FBXO46: variants seen among roughly 807,000 people sequenced by gnomAD.
FBXO46 encodes F-box protein 46.
In FBXO46, 13 loss-of-function variants were observed where a neutral mutation model predicts 30.7. That is an observed-to-expected ratio of 0.42 (90% CI 0.28 to 0.67). FBXO46 has a LOEUF of 0.67. Ranked by LOEUF, FBXO46 falls within the 30% of genes least tolerant of loss-of-function variation. The pLI is 0.21. For synonymous variants in FBXO46, 467 were observed against 385.8 expected (o/e 1.21, Z -2.47); for missense variants, 754 against 871.5 (o/e 0.87, Z 1.70).
intron 1 of FBXO46, among the ~76,000 whole-genome samples, chr19:45,725,281 G>T (rs1478560698): frequency 6.6e-6 from 1 of 152,022 alleles, no homozygotes; most frequent in African/African-American, 2.4e-5. Flanking sequence ...CAGGTGTGGT[G>T]GCATGCCCCT....
In FBXO46 at chr19:45,710,739, A is replaced by C. The variant is rs1422011987; in HGVS notation, c.*945T>G. 1 of 152,462 alleles carries C rather than the reference A, an allele frequency of 6.6e-6. No homozygotes were observed. Among genetic ancestry groups the C allele is most frequent in the African/African-American group, 2.4e-5 (1 of 41,446 alleles). The allele number at this position is 152,462 out of a possible 1,614,324, so 9.4% of individuals were successfully genotyped here. A position where few individuals can be genotyped will look rare whatever the true frequency, so the allele number is the denominator to read the frequency against. Reference sequence around the variant, plus strand: ...AAAAAAAAGAAAACAAAAAACAGAGAGAACAAACAAAAATACCCCAGACCA... The same window carrying C: ...AAAAAAAAGAAAACAAAAAACAGAGCGAACAAACAAAAATACCCCAGACCA... On this transcript the variant is annotated 3_prime_UTR_variant, in exon 2 of 2. Transcript: ENST00000317683.
chr19:45,719,720 A>G (rs1968145225), intron 1 of FBXO46, among the ~76,000 whole-genome samples: 1 of 152,188 alleles, frequency 6.6e-6, no homozygotes, highest in Non-Finnish European at 1.5e-5. Flanking sequence ...CATGCTGGCC[A>G]TTGTTGGGCG....
Position 45,713,233 on chromosome 19 carries a change from G to A in FBXO46, c.263C>T (p.Thr88Met), listed in dbSNP as rs768587871. Residue 88 changes from threonine (T) to methionine (M), a missense_variant, in exon 2 of 2, where the codon ACG (threonine) becomes ATG (methionine). Physicochemically the swap from Thr to Met is moderately conservative, Grantham distance 81 (BLOSUM62 -1). Coordinates refer to ENST00000317683, the MANE Select transcript of FBXO46 (RefSeq NM_001080469.2). This position sits in a 1 kb window ranked among gnomAD's most constrained non-coding sequence, Gnocchi z 4.7. ...AGDEGRVLLDTWYVIKPGNTK... is the reference protein window; with the variant it reads ...AGDEGRVLLDMWYVIKPGNTK... ...ATTCCCGGGCTTGATGACATACCACGTGTCCAGGAGGACTCGACCCTCATC... is the reference window on the plus strand; with the variant it reads ...ATTCCCGGGCTTGATGACATACCACATGTCCAGGAGGACTCGACCCTCATC... 2 of 1,613,920 alleles carry A rather than the reference G, an allele frequency of 1.2e-6. No homozygotes were observed. The highest frequency in any genetic ancestry group is 1.7e-6 in the Non-Finnish European group (2 of 1,179,862).
At chr19:45,732,148 A>C (rs1021608389), upstream of FBXO46, among the ~76,000 whole-genome samples, 3 of 151,748 alleles carry the variant, frequency 2.0e-5, no homozygotes, top group Admixed American at 2.0e-4. Context: ...AAGAAGAAGA[A>C]GCTCCAGGAG....
Position 45,712,062 on chromosome 19 carries a change from C to G in FBXO46, c.1434G>C (p.Glu478Asp), listed in dbSNP as rs767670856. The part of the protein sequence containing the change: ...EPRQYMLLLP[E>D]HVLVKIFSFL... ...AGCTGAAGATCTTGACCAGCACGTG[C>G]TCGGGCAGCAGCAGCATGTACTGTC... Residue 478 changes from glutamate to aspartate, a missense_variant, in exon 2 of 2, where the codon GAG becomes GAC. Glu to Asp is a conservative substitution (Grantham distance 45). This residue lies in a region of FBXO46 where 162 missense variants were observed against 258.7 expected (regional missense o/e 0.63). Transcript: ENST00000317683. The surrounding 1 kb of genome is among the most constrained non-coding windows in gnomAD (Gnocchi z 8.8). 4 of 1,610,888 alleles carry G rather than the reference C, an allele frequency of 2.5e-6. No individual in the cohort carries two copies. The South Asian group carries it at 4.4e-5, about 18-fold the overall frequency.
intron 1 of FBXO46, chr19:45,715,825 A>G (rs1298590507): frequency 2.0e-5 from 3 of 149,474 alleles, no homozygotes; most frequent in African/African-American, 7.4e-5. Context: ...AAAAAAAAAA[A>G]AGAAAGAAAA....
intron 1 of FBXO46, among the ~76,000 whole-genome samples, chr19:45,726,382 T>C (rs1203789295): frequency 2.6e-5 from 4 of 152,094 alleles, no homozygotes; most frequent in African/African-American, 9.6e-5. Flanking sequence ...GCACGGTGGC[T>C]CACACCTGTA....
chr19:45,723,818 C>G (rs913106403), intron 1 of FBXO46, among the ~76,000 whole-genome samples: 4 of 152,074 alleles, frequency 2.6e-5, no homozygotes, highest in African/African-American at 9.7e-5. Context: ...CGCCACCACG[C>G]CCAGCTAATT....
At chr19:45,728,970 A>G (rs1432312609) in intron 1 of FBXO46, among the ~76,000 whole-genome samples, 1 of 150,146 alleles carries the variant, frequency 6.7e-6, no homozygotes, top group East Asian at 2.0e-4. Context: ...AATTAACCAG[A>G]CGTGGTGGCG....
rs779860162 is a variant in FBXO46 at position 45,712,200 on chromosome 19, G to A, written c.1296C>T (p.Pro432=). Residue 432 remains proline (P), a synonymous_variant, in exon 2 of 2, where the codon CCC becomes CCT. Coordinates refer to ENST00000317683, the MANE Select transcript of FBXO46 (RefSeq NM_001080469.2). The surrounding 1 kb of genome is among the most constrained non-coding windows in gnomAD (Gnocchi z 8.8). ...CCGTGCCCTCGGCATCGTCTGGGCCGGGCGCAGTGGCCGGGGAGTCGGCCG... is the reference window on the plus strand; with the variant it reads ...CCGTGCCCTCGGCATCGTCTGGGCCAGGCGCAGTGGCCGGGGAGTCGGCCG... ...PPPADSPATA[P]GPDDAEGTAD... is the part of the protein sequence containing the mutation. The A allele has an allele frequency of 5.0e-6, 8 of 1,604,406 alleles. No homozygotes were observed. The highest frequency in any genetic ancestry group is 4.5e-5 in the East Asian group (2 of 44,594).
intron 1 of FBXO46, among the ~76,000 whole-genome samples, chr19:45,724,206 C>T (rs1022393914): frequency 1.3e-5 from 2 of 152,042 alleles, no homozygotes; most frequent in Non-Finnish European, 2.9e-5. Context: ...CCCAGGGTGG[C>T]CAGATGTGAC....
At chr19:45,719,776 GA>G (rs1490929545) in intron 1 of FBXO46, among the ~76,000 whole-genome samples, 3 of 152,196 alleles carry the variant, frequency 2.0e-5, no homozygotes, top group African/African-American at 7.2e-5. Context: ...TGGCTCATGG[GA>G]AAGGGGTCAG....
chr19:45,717,090 A>G (rs546008641), intron 1 of FBXO46: 1 of 152,282 alleles, frequency 6.6e-6, no homozygotes, highest in Non-Finnish European at 1.5e-5. Context: ...GTGCCCCTTA[A>G]GCGCGAGAGA....
chr19:45,727,766 A>G (rs1160023793), intron 1 of FBXO46, among the ~76,000 whole-genome samples: 3 of 152,328 alleles, frequency 2.0e-5, no homozygotes, highest in South Asian at 2.1e-4. Context: ...AAAGTTGTCA[A>G]ACTGCCCAAT....
intron 1 of FBXO46, among the ~76,000 whole-genome samples, chr19:45,726,460 C>T (rs1226006366): frequency 6.6e-6 from 1 of 151,930 alleles, no homozygotes; most frequent in Non-Finnish European, 1.5e-5. Flanking sequence ...CCATCCTGGC[C>T]AACACAACGA....
upstream of FBXO46, among the ~76,000 whole-genome samples, chr19:45,732,532 C>CA (rs36071960): frequency 0.31 from 20,466 of 65,684 alleles, 3,924 homozygotes; most frequent in Middle Eastern, 0.36. Context: ...TCGTCTCTAC[C>CA]AAAAAAAAAA....
At chr19:45,732,638 G>T (rs1968339399), upstream of FBXO46, among the ~76,000 whole-genome samples, 1 of 133,156 alleles carries the variant, frequency 7.5e-6, no homozygotes, top group African/African-American at 3.0e-5. Context: ...CTGTCGCCCA[G>T]GCTGGAGTGC....
intron 1 of FBXO46, among the ~76,000 whole-genome samples, chr19:45,727,548 C>T (rs1968255497): frequency 6.7e-6 from 1 of 149,820 alleles, no homozygotes; most frequent in Admixed American, 6.7e-5. Context: ...AACAGTGAGA[C>T]TCTGTCTCAA....
At chr19:45,724,561 C>A (rs776461928) in intron 1 of FBXO46, among the ~76,000 whole-genome samples, 1 of 151,988 alleles carries the variant, frequency 6.6e-6, no homozygotes, top group Admixed American at 6.6e-5. Context: ...TAACCCAGCA[C>A]TTTGGGAGGC....
Sources: gnomAD v4.1 joint callset for allele counts (sites outside exome capture counted in the v4.1 genomes callset) on GRCh38, gnomAD v4.1.1 for gene constraint, gnomAD v4.1.1 regional missense constraint, Gnocchi (gnomAD v3.1) non-coding constraint, MANE v1.5 for transcripts, NCBI Gene and HGNC (gene_info 2026-07-23, HGNC 2026-07-21) for gene names.